PSD3: variants seen among roughly 807,000 people sequenced by gnomAD.
PSD3 encodes the protein pleckstrin and Sec7 domain containing 3, also known as PH and SEC7 domain-containing protein 3.
PSD3 carries 49 observed loss-of-function variants against 105.5 expected under a neutral mutation model. The observed-to-expected ratio is 0.46, with a 90% CI of 0.37 to 0.59. The LOEUF (loss-of-function observed/expected upper bound fraction) is 0.59, where lower values mean the gene tolerates loss of function less well. Ranked by LOEUF, PSD3 falls within the 20% of genes least tolerant of loss-of-function variation. The pLI, the probability that PSD3 is intolerant of heterozygous loss-of-function variation, is 0.00. For synonymous variants in PSD3, 557 were observed against 457.8 expected (o/e 1.22, Z -2.77); for missense variants, 1,561 against 1,263.8 (o/e 1.24, Z -3.57).
At chr8:18,713,134 T>A (rs1276891280) in intron 9 of PSD3, among the ~76,000 whole-genome samples, 1 of 151,944 alleles carries the variant, frequency 6.6e-6, no homozygotes, top group African/African-American at 2.4e-5. Context: ...GGAACGTACC[T>A]CAAAACAATA....
chr8:18,924,694 G>C (rs1212837406), intron 2 of PSD3: 1 of 152,148 alleles, frequency 6.6e-6, no homozygotes, highest in African/African-American at 2.4e-5. Context: ...CTTTTTTCTT[G>C]TCTTGCTCTC....
chr8:18,916,347 T>TACACACAC (rs1820600486), intron 2 of PSD3, among the ~76,000 whole-genome samples: 3 of 53,828 alleles, frequency 5.6e-5, no homozygotes, highest in Non-Finnish European at 1.0e-4. Flanking sequence ...TATATATATA[T>TACACACAC]ATACACACAC....
chr8:18,844,589 T>C (rs572405414), intron 4 of PSD3, among the ~76,000 whole-genome samples: 1 of 152,108 alleles, frequency 6.6e-6, no homozygotes, highest in South Asian at 2.1e-4. Flanking sequence ...AACACACTGA[T>C]GCTAAAAAAG....
At chr8:18,564,050 G>C (rs902623255) in intron 14 of PSD3, among the ~76,000 whole-genome samples, 1 of 151,604 alleles carries the variant, frequency 6.6e-6, no homozygotes, top group Non-Finnish European at 1.5e-5. Flanking sequence ...ACTCGTTTAT[G>C]AGTTTTCAAA....
At chr8:19,037,187 C>A (rs1827972590) in intron 1 of PSD3, among the ~76,000 whole-genome samples, 1 of 152,228 alleles carries the variant, frequency 6.6e-6, no homozygotes, top group South Asian at 2.1e-4. Context: ...TATGGCAAAT[C>A]AATGATAGAA....
At chr8:18,902,255 C>T (rs1307783821) in intron 2 of PSD3, among the ~76,000 whole-genome samples, 2 of 152,190 alleles carry the variant, frequency 1.3e-5, no homozygotes, top group Non-Finnish European at 2.9e-5. Context: ...GATTCTTACG[C>T]TTGATCAAGT....
chr8:18,845,481 G>T (rs1381254405), intron 4 of PSD3, among the ~76,000 whole-genome samples: 1 of 152,190 alleles, frequency 6.6e-6, no homozygotes, highest in Non-Finnish European at 1.5e-5. Flanking sequence ...GCATTCGGAA[G>T]ACAGGTGCGT....
chr8:18,573,272 C>A (rs11780993), intron 13 of PSD3, among the ~76,000 whole-genome samples: 1 of 151,938 alleles, frequency 6.6e-6, no homozygotes, highest in Non-Finnish European at 1.5e-5. Flanking sequence ...GAGTTCAAGA[C>A]CAGCCTGGCC....
chr8:18,773,213 A>G (rs1807711739), intron 8 of PSD3, among the ~76,000 whole-genome samples: 1 of 152,092 alleles, frequency 6.6e-6, no homozygotes. Flanking sequence ...TAAGGGTCCT[A>G]CTTCTCTTTT....
chr8:18,729,085 T>C (rs924394530), intron 9 of PSD3, among the ~76,000 whole-genome samples: 2 of 152,160 alleles, frequency 1.3e-5, no homozygotes, highest in African/African-American at 4.8e-5. Context: ...AGAACAGCTG[T>C]AAAATTTAAC....
chr8:18,845,511 G>C (rs1034885390), intron 4 of PSD3, among the ~76,000 whole-genome samples: 4 of 152,156 alleles, frequency 2.6e-5, no homozygotes, highest in African/African-American at 4.8e-5. Context: ...GAGTGCTCTG[G>C]GGCGGCCCCC....
chr8:18,828,068 T>TATATATATA (rs1554515387), intron 4 of PSD3, among the ~76,000 whole-genome samples: 376 of 83,270 alleles, frequency 4.5e-3, no homozygotes, highest in Middle Eastern at 0.016. Context: ...TATATATATA[T>TATATATATA]TTTTTTTTTT....
chr8:18,997,147 T>A (rs1329906420), intron 1 of PSD3, among the ~76,000 whole-genome samples: 2 of 151,868 alleles, frequency 1.3e-5, no homozygotes, highest in Non-Finnish European at 2.9e-5. Flanking sequence ...AGTTTGTATA[T>A]TCTGACAACT....
At chr8:18,596,766 A>G (rs2130549593) in intron 12 of PSD3, among the ~76,000 whole-genome samples, 1 of 152,238 alleles carries the variant, frequency 6.6e-6, no homozygotes, top group African/African-American at 2.4e-5. Flanking sequence ...ATCTACCAAG[A>G]TGAATTACGG....
intron 1 of PSD3, among the ~76,000 whole-genome samples, chr8:19,072,307 G>A (rs895339573): frequency 1.3e-5 from 2 of 151,414 alleles, no homozygotes; most frequent in African/African-American, 2.4e-5. Flanking sequence ...GGCTGGTCTC[G>A]AACTCCTGAG....
chr8:18,595,226 C>G (rs1272339596), intron 12 of PSD3, among the ~76,000 whole-genome samples: 2 of 69,354 alleles, frequency 2.9e-5, no homozygotes, highest in Non-Finnish European at 6.5e-5. Flanking sequence ...AACAAACAAA[C>G]AAAAAAAACC....
intron 10 of PSD3, among the ~76,000 whole-genome samples, chr8:18,636,369 T>A (rs559676697): frequency 1.4e-4 from 22 of 152,192 alleles, no homozygotes; most frequent in Non-Finnish European, 2.5e-4. Flanking sequence ...TACAGCTGTA[T>A]AATGTGTTTT....
At chr8:18,896,999 A>G (rs1479380549) in intron 2 of PSD3, among the ~76,000 whole-genome samples, 2 of 151,518 alleles carry the variant, frequency 1.3e-5, no homozygotes, top group African/African-American at 2.4e-5. Flanking sequence ...TAGTAGAGAC[A>G]GGGTTTCTCC....
At chr8:18,546,173 T>C (rs1800439601) in intron 15 of PSD3, among the ~76,000 whole-genome samples, 2 of 152,134 alleles carry the variant, frequency 1.3e-5, no homozygotes, top group African/African-American at 2.4e-5. Context: ...TATTTTGTAT[T>C]TTTAGTAGAG....
Sources: allele counts gnomAD v4.1 joint callset (sites outside exome capture counted in the v4.1 genomes callset), GRCh38; gene constraint gnomAD v4.1.1; transcripts MANE v1.5; gene names NCBI Gene and HGNC (gene_info 2026-07-23, HGNC 2026-07-21).